Variants in GAS7 observed in about 807,000 individuals in gnomAD.
The protein encoded by GAS7 is growth arrest-specific protein 7.
GAS7 carries 28 observed loss-of-function variants against 71.1 expected under a neutral mutation model. The ratio of observed to expected loss-of-function variants is 0.39; its 90% CI spans 0.29 to 0.54. The LOEUF is 0.54. GAS7 is among the 20% of genes least tolerant of loss of function. The pLI, the probability that GAS7 is intolerant of heterozygous loss-of-function variation, is 0.62. For synonymous variants in GAS7, 258 were observed against 245.8 expected (o/e 1.05, Z -0.46); for missense variants, 436 against 627.8 (o/e 0.69, Z 3.27).
chr17:10,030,763 T>G (rs1368475834), intron 1 of GAS7, among the ~76,000 whole-genome samples: 1 of 152,196 alleles, frequency 6.6e-6, no homozygotes, highest in Admixed American at 6.5e-5. Context: ...CAGGCCTCAC[T>G]ACTTGGTGTA....
chr17:10,164,868 GC>G (rs1256828707), intron 1 of GAS7, among the ~76,000 whole-genome samples: 1 of 113,596 alleles, frequency 8.8e-6, no homozygotes, highest in African/African-American at 3.1e-5. Context: ...AAAAAAAAAG[GC>G]TGGGCGCAGT....
At chr17:10,150,403 C>A (rs75804467) in intron 1 of GAS7, among the ~76,000 whole-genome samples, 1 of 143,284 alleles carries the variant, frequency 7.0e-6, no homozygotes, top group African/African-American at 2.6e-5. Flanking sequence ...TTCTTTCTCT[C>A]AACTGGTTAA....
intron 8 of GAS7, among the ~76,000 whole-genome samples, chr17:9,937,410 A>G (rs1202338450): frequency 6.6e-6 from 1 of 152,244 alleles, no homozygotes; most frequent in East Asian, 1.9e-4. Context: ...GTTGCAGGGC[A>G]CGGGGATACT....
intron 2 of GAS7, among the ~76,000 whole-genome samples, chr17:10,012,857 C>T (rs1463026474): frequency 1.3e-5 from 2 of 151,944 alleles, no homozygotes; most frequent in African/African-American, 2.4e-5. Flanking sequence ...AATCCCAGCA[C>T]CTTGGGAGGC....
chr17:9,955,743 C>A (rs568975367), intron 5 of GAS7, among the ~76,000 whole-genome samples: 1 of 152,336 alleles, frequency 6.6e-6, no homozygotes, highest in Admixed American at 6.5e-5. Context: ...CAGAGAGGGG[C>A]ACGCCTCCCC....
chr17:10,052,004 A>C (rs993315944), intron 1 of GAS7, among the ~76,000 whole-genome samples: 8 of 151,746 alleles, frequency 5.3e-5, no homozygotes, highest in Admixed American at 2.6e-4. Flanking sequence ...CCTTATAAAA[A>C]CCCTGGGAGG....
chr17:10,183,291 G>A (rs1480686228), intron 1 of GAS7, among the ~76,000 whole-genome samples: 2 of 151,964 alleles, frequency 1.3e-5, no homozygotes, highest in African/African-American at 4.8e-5. Flanking sequence ...GTGCCTCATC[G>A]ATAATGCTGC....
chr17:10,191,612 C>CA (rs1439037847), intron 1 of GAS7, among the ~76,000 whole-genome samples: 2 of 146,962 alleles, frequency 1.4e-5, no homozygotes, highest in African/African-American at 5.1e-5. Context: ...CACGGTGGCT[C>CA]ACGCCTGTAA....
rs186319984 is a variant in GAS7 at position 10,046,501 on chromosome 17, G to A, written c.184-26604C>T. ...CACCTGTCATCCCAGCACACTGCCCGCCTCGGCGGGCAGATCATGAGGTCA... is the reference window on the plus strand; with the variant it reads ...CACCTGTCATCCCAGCACACTGCCCACCTCGGCGGGCAGATCATGAGGTCA... On this transcript the variant is annotated intron_variant, in intron 1 of 13. Transcript: ENST00000432992. Among the ~76,000 whole-genome samples, 34 of 151,716 alleles carry A rather than the reference G, an allele frequency of 2.2e-4. 1 individual carries two copies. In the East Asian group the frequency reaches 4.7e-3, roughly 21 times the overall value.
chr17:10,058,294 C>CA (rs200521171), intron 1 of GAS7, among the ~76,000 whole-genome samples: 6 of 150,806 alleles, frequency 4.0e-5, no homozygotes, highest in South Asian at 4.2e-4. Flanking sequence ...ACAAAGCAAA[C>CA]AAAAAAAAAT....
chr17:10,145,742 G>C (rs995723834), intron 1 of GAS7, among the ~76,000 whole-genome samples: 3 of 152,180 alleles, frequency 2.0e-5, no homozygotes, highest in Admixed American at 6.5e-5. Context: ...AGGGCAGATG[G>C]CCCAGGAGTC....
At chr17:10,172,854 T>C in intron 1 of GAS7, among the ~76,000 whole-genome samples, 1 of 152,238 alleles carries the variant, frequency 6.6e-6, no homozygotes, top group East Asian at 1.9e-4. Flanking sequence ...AGATTCAGCA[T>C]CTGGAGGCAG....
chr17:10,123,390 G>T (rs2073920011), intron 1 of GAS7, among the ~76,000 whole-genome samples: 1 of 152,174 alleles, frequency 6.6e-6, no homozygotes, highest in African/African-American at 2.4e-5. Flanking sequence ...CACACTTTAA[G>T]AAGCCCTACC....
At chr17:10,153,133 C>G (rs1210978429) in intron 1 of GAS7, among the ~76,000 whole-genome samples, 1 of 150,928 alleles carries the variant, frequency 6.6e-6, no homozygotes, top group African/African-American at 2.4e-5. Context: ...TTGCTTGAAC[C>G]CAGGAGGAGG....
intron 1 of GAS7, among the ~76,000 whole-genome samples, chr17:10,157,602 CATTT>C (rs2074215065): frequency 6.6e-6 from 1 of 152,212 alleles, no homozygotes; most frequent in South Asian, 2.1e-4. Context: ...AACAAACCAG[CATTT>C]CCTGGCTCCT....
At chr17:10,046,241 C>G (rs937501105) in intron 1 of GAS7, among the ~76,000 whole-genome samples, 1 of 152,114 alleles carries the variant, frequency 6.6e-6, no homozygotes, top group African/African-American at 2.4e-5. Context: ...AGATTAAGGG[C>G]ATGGCAAAAG....
intron 1 of GAS7, chr17:10,036,665 A>C (rs1330738061): frequency 9.9e-6 from 14 of 1,410,386 alleles, no homozygotes; most frequent in Non-Finnish European, 6.4e-6. Context: ...AACCCACTAC[A>C]TTGCATAGTT....
intron 1 of GAS7, among the ~76,000 whole-genome samples, chr17:10,131,155 C>T (rs1451237814): frequency 1.3e-5 from 2 of 152,204 alleles, no homozygotes; most frequent in Admixed American, 6.5e-5. Flanking sequence ...TCCTCCCCAG[C>T]GTGCCTCTTG....
intron 1 of GAS7, among the ~76,000 whole-genome samples, chr17:10,113,981 C>T (rs1227329851): frequency 6.6e-6 from 1 of 152,124 alleles, no homozygotes; most frequent in East Asian, 1.9e-4. Flanking sequence ...GTGGTGTGAT[C>T]ACAGCTCACT....
Sources: gnomAD v4.1 joint callset for allele counts (sites outside exome capture counted in the v4.1 genomes callset) on GRCh38, gnomAD v4.1.1 for gene constraint, MANE v1.5 for transcripts, NCBI Gene and HGNC (gene_info 2026-07-23, HGNC 2026-07-21) for gene names.